Variants in VOPP1 observed in about 807,000 individuals in gnomAD.
VOPP1 encodes the protein VOPP1 WW domain binding protein.
Under a neutral mutation model 23.5 loss-of-function variants are expected in VOPP1, and 8 were observed. The observed-to-expected ratio is 0.34, with a 90% CI of 0.20 to 0.61. VOPP1 has a LOEUF of 0.61. VOPP1 is among the 20% of genes least tolerant of loss of function. The pLI is 0.78. For missense variants in VOPP1, 174 were observed against 238.1 expected (o/e 0.73, Z 1.77); for synonymous variants, 83 against 97.3 (o/e 0.85, Z 0.86).
At chr7:55,572,130 G>A (rs890639775) in intron 1 of VOPP1, 141 bp downstream of exon 1, 6 of 554,198 alleles carry the variant, frequency 1.1e-5, no homozygotes, top group Admixed American at 8.6e-5. Context: ...GCTCCGGGAG[G>A]CGCGCAGGGC....
chr7:55,569,062 A>G (rs1032097395), intron 1 of VOPP1, among the ~76,000 whole-genome samples: 1 of 152,248 alleles, frequency 6.6e-6, no homozygotes, highest in African/African-American at 2.4e-5. Flanking sequence ...GCACAGAGCA[A>G]CAGGGGAGAG....
intron 4 of VOPP1, among the ~76,000 whole-genome samples, chr7:55,444,891 A>G (rs1791057085): frequency 6.6e-6 from 1 of 152,080 alleles, no homozygotes; most frequent in Admixed American, 6.5e-5. Flanking sequence ...TAAATTTGGC[A>G]TTATTTGCCA....
intron 1 of VOPP1, among the ~76,000 whole-genome samples, chr7:55,565,457 T>C (rs575577981): frequency 6.6e-6 from 1 of 152,322 alleles, no homozygotes; most frequent in Admixed American, 6.5e-5. Flanking sequence ...AACATGTTTG[T>C]TAATCAGTTG....
intron 2 of VOPP1, among the ~76,000 whole-genome samples, chr7:55,500,448 A>G (rs938103808): frequency 6.6e-6 from 1 of 152,218 alleles, no homozygotes; most frequent in African/African-American, 2.4e-5. Flanking sequence ...CCAACAACCC[A>G]AATCAATTCG....
At chr7:55,473,768 C>A (rs1792022787) in intron 4 of VOPP1, among the ~76,000 whole-genome samples, 1 of 152,218 alleles carries the variant, frequency 6.6e-6, no homozygotes, top group Admixed American at 6.5e-5. Flanking sequence ...AAGAATCAGA[C>A]AAAACCGTGA....
intron 2 of VOPP1, among the ~76,000 whole-genome samples, chr7:55,506,712 C>G (rs1794752878): frequency 6.6e-6 from 1 of 152,016 alleles, no homozygotes; most frequent in African/African-American, 2.4e-5. Flanking sequence ...GATCTTGGTT[C>G]ACTGCAGCCT....
At chr7:55,571,815 T>C (rs1277477793) in intron 1 of VOPP1, 1 of 155,758 alleles carries the variant, frequency 6.4e-6, no homozygotes, top group African/African-American at 2.4e-5. Flanking sequence ...CTCCGCCCGC[T>C]CCCCTCACCC....
At chr7:55,540,121 C>T (rs1469999572) in intron 1 of VOPP1, among the ~76,000 whole-genome samples, 2 of 152,178 alleles carry the variant, frequency 1.3e-5, no homozygotes, top group East Asian at 1.9e-4. Flanking sequence ...AACTCCCAGC[C>T]AGGCGCAGTG....
chr7:55,450,743 T>C (rs1791223219), intron 4 of VOPP1, among the ~76,000 whole-genome samples: 1 of 152,262 alleles, frequency 6.6e-6, no homozygotes, highest in Non-Finnish European at 1.5e-5. Context: ...AAAATTCCTT[T>C]CTTCTACAAA....
At chr7:55,442,358 C>A (rs1790986937) in intron 4 of VOPP1, among the ~76,000 whole-genome samples, 1 of 152,174 alleles carries the variant, frequency 6.6e-6, no homozygotes, top group Non-Finnish European at 1.5e-5. Context: ...TGGAGAGTGA[C>A]ATCACAGCAT....
chr7:55,519,988 C>G (rs1471680130), intron 2 of VOPP1, among the ~76,000 whole-genome samples: 4 of 152,064 alleles, frequency 2.6e-5, no homozygotes, highest in Non-Finnish European at 4.4e-5. Flanking sequence ...ATTAGCTGGG[C>G]GTGGTGGCAC....
chr7:55,463,469 T>C (rs770880940), intron 4 of VOPP1, among the ~76,000 whole-genome samples: 3 of 152,190 alleles, frequency 2.0e-5, no homozygotes, highest in Non-Finnish European at 4.4e-5. Flanking sequence ...ATTGTATTGG[T>C]TGGGTAGGAT....
chr7:55,502,694 T>C (rs982285927), intron 2 of VOPP1, among the ~76,000 whole-genome samples: 6 of 152,230 alleles, frequency 3.9e-5, no homozygotes, highest in African/African-American at 1.4e-4. Context: ...TTAATTAAAG[T>C]AGTAAACATT....
At chr7:55,468,744 G>A (rs1791700044), downstream of VOPP1, among the ~76,000 whole-genome samples, 1 of 152,212 alleles carries the variant, frequency 6.6e-6, no homozygotes, top group East Asian at 1.9e-4. Flanking sequence ...CACCAATGTG[G>A]AGATAGGTCT....
chr7:55,567,445 TTCA>T (rs1182425864), intron 1 of VOPP1, among the ~76,000 whole-genome samples: 1 of 152,202 alleles, frequency 6.6e-6, no homozygotes, highest in African/African-American at 2.4e-5. Context: ...TCTGAAAAGC[TTCA>T]TCAAGAGGAC....
intron 4 of VOPP1, among the ~76,000 whole-genome samples, chr7:55,460,609 T>C (rs1293674071): frequency 6.6e-6 from 1 of 152,230 alleles, no homozygotes; most frequent in Non-Finnish European, 1.5e-5. Context: ...TCAAGCATTG[T>C]TATAGGTTGG....
At chr7:55,490,068 G>A (rs1396529590) in intron 4 of VOPP1, among the ~76,000 whole-genome samples, 1 of 152,134 alleles carries the variant, frequency 6.6e-6, no homozygotes, top group African/African-American at 2.4e-5. Context: ...GGATGGGTCT[G>A]AGGAAGCTGT....
intron 4 of VOPP1, among the ~76,000 whole-genome samples, chr7:55,448,602 C>A (rs1386362533): frequency 2.0e-5 from 3 of 147,854 alleles, no homozygotes; most frequent in African/African-American, 7.3e-5. Flanking sequence ...CAGGCTCCGT[C>A]ATCTTGCATA....
chr7:55,505,274 C>A (rs1794634512), intron 2 of VOPP1, among the ~76,000 whole-genome samples: 1 of 152,134 alleles, frequency 6.6e-6, no homozygotes. Flanking sequence ...AGAGACGAGA[C>A]TGGGGCCTGA....
Sources: allele counts gnomAD v4.1 joint callset (sites outside exome capture counted in the v4.1 genomes callset), GRCh38; gene constraint gnomAD v4.1.1; transcripts MANE v1.5; gene names NCBI Gene and HGNC (gene_info 2026-07-23, HGNC 2026-07-21).